The following SORCS3 variants were observed in gnomAD, a reference collection of about 807,000 sequenced individuals.
SORCS3 encodes the protein sortilin related VPS10 domain containing receptor 3, also known as VPS10 domain-containing receptor SorCS3.
SORCS3 carries 57 observed loss-of-function variants against 146.3 expected under a neutral mutation model. The ratio of observed to expected loss-of-function variants is 0.39; its 90% confidence interval spans 0.31 to 0.49. The LOEUF is 0.49. Ranked by LOEUF, SORCS3 falls within the 20% of genes least tolerant of loss-of-function variation. The probability of loss-of-function intolerance (pLI) is 0.92; values close to 1 mark genes in which losing one functional copy is unlikely to be tolerated. For missense variants in SORCS3, 1,341 were observed against 1,575.5 expected, an observed-to-expected ratio of 0.85 and a Z score of 2.52; for synonymous variants, 653 against 618.5, an observed-to-expected ratio of 1.06 and a Z score of -0.83.
intron 3 of SORCS3, among the ~76,000 whole-genome samples, chr10:104,972,595 T>G (rs2054867070): frequency 6.6e-6 from 1 of 151,222 alleles, no homozygotes; most frequent in South Asian, 2.1e-4. Context: ...AATGCTGTGA[T>G]TAACAGTGGC....
In SORCS3 at chr10:105,186,596, A is replaced by G. The variant is rs556779668; in HGVS notation, c.2009+8423A>G. ...CTCTTATAGCTCTTTAAATTTCCCTATCTTAACCGGGTGCGGTGGCTCACA... is the reference window on the plus strand; with the variant it reads ...CTCTTATAGCTCTTTAAATTTCCCTGTCTTAACCGGGTGCGGTGGCTCACA... On this transcript the variant is annotated intron_variant, in intron 14 of 26. Coordinates refer to ENST00000369701, the MANE Select transcript of SORCS3 (RefSeq NM_014978.3). Among the ~76,000 whole-genome samples the G allele has an allele frequency of 3.3e-5, 5 of 152,026 alleles. No individual in the cohort carries two copies. The East Asian group carries it at 7.8e-4, about 24-fold the overall frequency.
chr10:105,039,889 A>C (rs527622788), intron 4 of SORCS3, among the ~76,000 whole-genome samples: 2 of 152,252 alleles, frequency 1.3e-5, no homozygotes, highest in South Asian at 4.1e-4. Flanking sequence ...TGGAGACTCT[A>C]ACAGTGTCAG....
chr10:104,811,204 C>A (rs768661698), intron 1 of SORCS3, among the ~76,000 whole-genome samples: 3 of 152,206 alleles, frequency 2.0e-5, no homozygotes, highest in Non-Finnish European at 4.4e-5. Flanking sequence ...TTCATTTGTT[C>A]ATTTCCTGGC....
intron 1 of SORCS3, among the ~76,000 whole-genome samples, chr10:104,729,974 A>G (rs770625526): frequency 1.3e-5 from 2 of 152,178 alleles, no homozygotes; most frequent in Non-Finnish European, 2.9e-5. Context: ...TGACCTTATC[A>G]AGTTTTCTGA....
At chr10:104,705,860 G>T (rs772875453) in intron 1 of SORCS3, among the ~76,000 whole-genome samples, 4 of 152,190 alleles carry the variant, frequency 2.6e-5, no homozygotes, top group Non-Finnish European at 5.9e-5. Context: ...CCAGGAAGTC[G>T]AGAACTTCTG....
rs192170700 is a variant in SORCS3, at chr10:104,676,024, C to A, written c.627+34070C>A. On this transcript the variant is annotated intron_variant, in intron 1 of 26. Transcript: ENST00000369701. ...TTTTCAGTTGAAAGGTCTTGCACAT[C>A]TTTCAGTAGATTTATTCCCAGGGAT... Among the ~76,000 whole-genome samples, 26 of 152,320 alleles carry A rather than the reference C, an allele frequency of 1.7e-4. No homozygotes were observed. In the East Asian group the frequency reaches 4.8e-3, roughly 28 times the overall value.
rs548429275 is a variant in SORCS3, at chr10:105,240,173, A to T, written c.2869-5369A>T. On this transcript the variant is annotated intron_variant, in intron 20 of 26. Coordinates refer to ENST00000369701, the MANE Select transcript of SORCS3 (RefSeq NM_014978.3). ...GAAACAGCCAGATGGAGGAGACAAG[A>T]TCAAATCTGCTAGGACAGGAAGAAT... 8.3e-4 allele frequency among the ~76,000 whole-genome samples: 126 copies of T among 152,296 alleles called. 1 individual carries two copies. Among genetic ancestry groups the T allele is most frequent in the African/African-American group, 3.0e-3 (123 of 41,566 alleles).
chr10:104,833,904 C>A (rs1365721352), intron 1 of SORCS3, among the ~76,000 whole-genome samples: 1 of 152,178 alleles, frequency 6.6e-6, no homozygotes, highest in Non-Finnish European at 1.5e-5. Context: ...AACTTTTAAT[C>A]TTTCCTCCAA....
chr10:104,764,539 C>T (rs895448641), intron 1 of SORCS3, among the ~76,000 whole-genome samples: 1 of 152,222 alleles, frequency 6.6e-6, no homozygotes, highest in Non-Finnish European at 1.5e-5. Flanking sequence ...TTATGCTTTA[C>T]ACATTCTGAG....
At chr10:105,194,478 A>G (rs1271329493) in intron 14 of SORCS3, among the ~76,000 whole-genome samples, 1 of 152,182 alleles carries the variant, frequency 6.6e-6, no homozygotes, top group Non-Finnish European at 1.5e-5. Context: ...TGGGTTTCTG[A>G]AAAAGGCTGT....
At chr10:104,725,885 T>C (rs2016624578) in intron 1 of SORCS3, among the ~76,000 whole-genome samples, 1 of 152,190 alleles carries the variant, frequency 6.6e-6, no homozygotes, top group Non-Finnish European at 1.5e-5. Context: ...ACCCGTTTCT[T>C]TGAGTAGGAA....
intron 1 of SORCS3, among the ~76,000 whole-genome samples, chr10:104,791,208 G>A (rs2017492178): frequency 6.6e-6 from 1 of 152,232 alleles, no homozygotes; most frequent in African/African-American, 2.4e-5. Context: ...CGAGGAGGGG[G>A]CCTGTGGTGG....
At chr10:104,844,808 CT>C (rs1272992019) in intron 2 of SORCS3, among the ~76,000 whole-genome samples, 2 of 152,186 alleles carry the variant, frequency 1.3e-5, no homozygotes, top group East Asian at 3.9e-4. Flanking sequence ...ATCTAGGGTT[CT>C]CCTGGATAAA....
intron 1 of SORCS3, among the ~76,000 whole-genome samples, chr10:104,650,486 A>C (rs1338261807): frequency 6.6e-6 from 1 of 152,152 alleles, no homozygotes; most frequent in Non-Finnish European, 1.5e-5. Flanking sequence ...TTCCTACAGA[A>C]AAAAGGGGAA....
intron 1 of SORCS3, among the ~76,000 whole-genome samples, chr10:104,785,091 C>A (rs1438230727): frequency 6.6e-6 from 1 of 151,916 alleles, no homozygotes; most frequent in Non-Finnish European, 1.5e-5. Context: ...CCCCCCCCCA[C>A]CTCCCTCCTG....
At chr10:105,061,084 T>C (rs2055483071) in intron 5 of SORCS3, among the ~76,000 whole-genome samples, 1 of 152,234 alleles carries the variant, frequency 6.6e-6, no homozygotes, top group Non-Finnish European at 1.5e-5. Flanking sequence ...TCACAAGTTA[T>C]GGTGGCCACC....
chr10:105,188,848 T>A (rs2056495774), intron 14 of SORCS3, among the ~76,000 whole-genome samples: 1 of 152,182 alleles, frequency 6.6e-6, no homozygotes, highest in South Asian at 2.1e-4. Flanking sequence ...TAAAAGGAGT[T>A]GAAGCTGGGT....
intron 1 of SORCS3, among the ~76,000 whole-genome samples, chr10:104,675,182 T>C (rs1437090641): frequency 1.3e-5 from 2 of 152,224 alleles, no homozygotes; most frequent in Non-Finnish European, 1.5e-5. Context: ...ATAAATCCCA[T>C]TGTGGTTTTT....
chr10:104,705,906 G>A (rs1041807698), intron 1 of SORCS3, among the ~76,000 whole-genome samples: 8 of 152,310 alleles, frequency 5.3e-5, no homozygotes, highest in South Asian at 2.1e-4. Context: ...ATTTGAACTC[G>A]TAATTGGCCA....
Sources: allele counts gnomAD v4.1 joint callset (sites outside exome capture counted in the v4.1 genomes callset), GRCh38; gene constraint gnomAD v4.1.1; transcripts MANE v1.5; gene names NCBI Gene and HGNC (gene_info 2026-07-23, HGNC 2026-07-21).